The following EPHA3 variants were observed in gnomAD, a reference collection of about 807,000 sequenced individuals.
The protein encoded by EPHA3 is ephrin type-A receptor 3.
EPHA3 carries 42 observed loss-of-function variants against 107.1 expected under a neutral mutation model. The ratio of observed to expected loss-of-function variants is 0.39; its 90% confidence interval spans 0.31 to 0.51. EPHA3 has a LOEUF of 0.51. Ranked by LOEUF, EPHA3 falls within the 20% of genes least tolerant of loss-of-function variation. EPHA3 has a pLI of 0.78. For missense variants in EPHA3, 1,183 were observed against 1,211.2 expected (o/e 0.98, Z 0.35); for synonymous variants, 461 against 424.8 (o/e 1.09, Z -1.05).
At chr3:89,467,325 G>A (rs1227908811) in intron 15 of EPHA3, among the ~76,000 whole-genome samples, 2 of 152,198 alleles carry the variant, frequency 1.3e-5, no homozygotes, top group South Asian at 2.1e-4. Flanking sequence ...TAGATTTAAT[G>A]TATTTCCTGA....
chr3:89,179,302 T>C (rs1411365629), intron 2 of EPHA3, among the ~76,000 whole-genome samples: 18 of 152,070 alleles, frequency 1.2e-4, no homozygotes, highest in Non-Finnish European at 2.9e-5. Context: ...AAAAATCACA[T>C]GGGAATGGAG....
chr3:89,305,312 C>T (rs35317084), intron 3 of EPHA3, among the ~76,000 whole-genome samples: 41,163 of 151,844 alleles, frequency 0.27, 7,109 homozygotes, highest in East Asian at 0.47. Flanking sequence ...AAAAATGTAA[C>T]GGCCAAGAAA....
intron 2 of EPHA3, among the ~76,000 whole-genome samples, chr3:89,191,872 G>A (rs1219746966): frequency 1.3e-5 from 2 of 152,012 alleles, no homozygotes; most frequent in South Asian, 2.1e-4. Context: ...ATGTTAAAAA[G>A]ATAAGTAAAG....
At chr3:89,302,168 CA>C (rs997390595) in intron 3 of EPHA3, among the ~76,000 whole-genome samples, 1 of 151,834 alleles carries the variant, frequency 6.6e-6, no homozygotes, top group Non-Finnish European at 1.5e-5. Context: ...CTATGAAATT[CA>C]AAAAAAGTTG....
rs1705429718 is a variant in EPHA3, at chr3:89,262,040, T to C, written c.814+51520T>C. On this transcript the variant is annotated intron_variant, in intron 3 of 16. Coordinates refer to ENST00000336596, the MANE Select transcript of EPHA3 (RefSeq NM_005233.6). ...TCCAAAGATAACACAAAATATGCAA[T>C]AGTTTAAGTCACAATTTTAGTTTTC... is the stretch of plus-strand genomic sequence containing the variant. Among the ~76,000 whole-genome samples, 3 of 152,130 alleles carry C rather than the reference T, an allele frequency of 2.0e-5. No homozygotes were observed. The South Asian group carries it at 6.2e-4, about 32-fold the overall frequency.
rs191376680 is a variant in EPHA3, at chr3:89,385,417, G to T, written c.1307-10420G>T. The stretch of plus-strand genomic sequence containing the variant: ...CCTCATGCTGTTCTCATCATAGTGA[G>T]TTCTCGCAAGATCTGATAGTTTTAT... On this transcript the variant is annotated intron_variant, in intron 5 of 16. Transcript: ENST00000336596. 7.9e-5 allele frequency among the ~76,000 whole-genome samples: 12 copies of T among 152,272 alleles called. No individual in the cohort carries two copies. In the East Asian group the frequency reaches 2.3e-3, roughly 29 times the overall value.
intron 15 of EPHA3, among the ~76,000 whole-genome samples, chr3:89,450,598 T>C (rs1576385095): frequency 1.3e-5 from 2 of 152,294 alleles, no homozygotes; most frequent in Admixed American, 1.3e-4. Context: ...ATCTTGACTC[T>C]ACATTCAGGC....
intron 3 of EPHA3, among the ~76,000 whole-genome samples, chr3:89,305,707 G>A (rs1271033333): frequency 6.6e-6 from 1 of 151,946 alleles, no homozygotes; most frequent in African/African-American, 2.4e-5. Context: ...TAACCCCTTG[G>A]CTGCTTCCAC....
chr3:89,307,236 G>A lies in EPHA3; in HGVS notation c.815-33680G>A, dbSNP rs75234573. Reference sequence around the variant, plus strand: ...AATTGTCTTGAATGTTTTCAAGAAGGAAACATAAACTTCTTTGTAGCCAGC... The same window carrying A: ...AATTGTCTTGAATGTTTTCAAGAAGAAAACATAAACTTCTTTGTAGCCAGC... On this transcript the variant is annotated intron_variant, in intron 3 of 16. Coordinates refer to ENST00000336596, the MANE Select transcript of EPHA3 (RefSeq NM_005233.6). Among the ~76,000 whole-genome samples the A allele has an allele frequency of 3.9e-3, 600 of 152,232 alleles. 1 individual carries two copies. Among genetic ancestry groups the A allele is most frequent in the Non-Finnish European group, 6.1e-3 (417 of 68,008 alleles).
At chr3:89,429,975 G>T (rs1480776819) in intron 12 of EPHA3, among the ~76,000 whole-genome samples, 1 of 152,062 alleles carries the variant, frequency 6.6e-6, no homozygotes, top group Non-Finnish European at 1.5e-5. Context: ...TGTTGGCCAG[G>T]CTGGTTTAGA....
chr3:89,195,782 A>C (rs925046735), intron 2 of EPHA3, among the ~76,000 whole-genome samples: 3 of 152,098 alleles, frequency 2.0e-5, no homozygotes, highest in Non-Finnish European at 4.4e-5. Context: ...ATCTGCCTCC[A>C]TTCCTCATCT....
At chr3:89,177,285 T>C (rs1241590703) in intron 2 of EPHA3, among the ~76,000 whole-genome samples, 1 of 152,182 alleles carries the variant, frequency 6.6e-6, no homozygotes, top group Non-Finnish European at 1.5e-5. Context: ...AGGACACTTG[T>C]CTGGGTGTTG....
chr3:89,225,882 G>A (rs1445528908), intron 3 of EPHA3, among the ~76,000 whole-genome samples: 3 of 152,088 alleles, frequency 2.0e-5, no homozygotes, highest in Non-Finnish European at 2.9e-5. Context: ...ATACACACGT[G>A]TTCAAGTTAC....
intron 2 of EPHA3, among the ~76,000 whole-genome samples, chr3:89,185,356 T>C (rs752762110): frequency 1.3e-5 from 2 of 152,036 alleles, no homozygotes; most frequent in South Asian, 2.1e-4. Context: ...CCAGCACCTG[T>C]TGGGGCTGAA....
intron 3 of EPHA3, among the ~76,000 whole-genome samples, chr3:89,305,452 A>T (rs904199073): frequency 1.3e-5 from 2 of 152,068 alleles, no homozygotes; most frequent in Non-Finnish European, 2.9e-5. Context: ...TTTTGCATCC[A>T]CCTGTAAGGT....
intron 2 of EPHA3, among the ~76,000 whole-genome samples, chr3:89,203,005 G>GA (rs1706008756): frequency 6.6e-6 from 1 of 152,102 alleles, no homozygotes; most frequent in African/African-American, 2.4e-5. Flanking sequence ...GGCAAATCTG[G>GA]AGTGAAAAAC....
At chr3:89,434,135 T>TA (rs540257169) in intron 13 of EPHA3, among the ~76,000 whole-genome samples, 1 of 152,160 alleles carries the variant, frequency 6.6e-6, no homozygotes, top group Non-Finnish European at 1.5e-5. Context: ...AACTATTTGA[T>TA]AAAAAAATTA....
Position 89,399,349 on chromosome 3 carries a change from G to C in EPHA3, c.1463G>C (p.Arg488Thr). 6.2e-7 allele frequency: 1 copy of C among 1,613,002 alleles called. No individual in the cohort carries two copies. The highest frequency in any genetic ancestry group is 8.5e-7 in the Non-Finnish European group (1 of 1,179,350). Residue 488 changes from arginine to threonine, a missense_variant, in exon 7 of 17, where the codon AGG becomes ACG. By Grantham distance (71) the Arg-to-Thr change is moderately conservative. Coordinates refer to ENST00000336596, the MANE Select transcript of EPHA3 (RefSeq NM_005233.6). ...CAAGAAACAAGTTATACCATTCTGA[G>C]GGCAAGAGGCACAAATGTTACCATC... ...QEQETSYTILRARGTNVTISS... is the reference protein window; with the variant it reads ...QEQETSYTILTARGTNVTISS...
At chr3:89,169,547 C>T (rs1338103197) in intron 2 of EPHA3, among the ~76,000 whole-genome samples, 1 of 152,096 alleles carries the variant, frequency 6.6e-6, no homozygotes, top group Admixed American at 6.6e-5. Flanking sequence ...TATATATAAA[C>T]TATTATTTTA....
Sources: gnomAD v4.1 joint callset for allele counts (sites outside exome capture counted in the v4.1 genomes callset) on GRCh38, gnomAD v4.1.1 for gene constraint, MANE v1.5 for transcripts, NCBI Gene and HGNC (gene_info 2026-07-23, HGNC 2026-07-21) for gene names.